Variants in NLRX1 observed in about 807,000 individuals in gnomAD.
The protein encoded by NLRX1 is NLR family member X1.
NLRX1 carries 67 observed loss-of-function variants against 74.2 expected under a neutral mutation model. That is an observed-to-expected ratio of 0.90 (90% confidence interval 0.74 to 1.11). The LOEUF is 1.11. Among genes scored for constraint, NLRX1 ranks in the 50% least tolerant of loss-of-function variants. The pLI is 0.00. For synonymous variants in NLRX1, 506 were observed against 559.1 expected, an observed-to-expected ratio of 0.91 and a Z score of 1.34; for missense variants, 1,191 against 1,305.4, an observed-to-expected ratio of 0.91 and a Z score of 1.35.
In NLRX1 at chr11:119,173,810, G is replaced by A; in HGVS notation, c.561G>A (p.Arg187=). The change falls in exon 5 of 10, where the codon CGG becomes CGA. Residue 187 remains arginine (R), a synonymous_variant. Coordinates refer to ENST00000409109, the MANE Select transcript of NLRX1 (RefSeq NM_001282144.2). This position sits in a 1 kb window ranked among gnomAD's most constrained non-coding sequence, Gnocchi z 4.0. ...RKMVLDWCYG[R]LPAFELLIPF... is the part of the protein sequence containing the mutation. ...TGGTTCTGGACTGGTGTTATGGGCG[G>A]CTGCCGGCCTTCGAGCTGCTCATCC... 1 of 1,613,462 alleles carries A rather than the reference G, an allele frequency of 6.2e-7. No individual in the cohort carries two copies.
chr11:119,175,726 G>A (rs1396948901), intron 6 of NLRX1, among the ~76,000 whole-genome samples: 1 of 152,160 alleles, frequency 6.6e-6, no homozygotes, highest in Admixed American at 6.5e-5. Flanking sequence ...TAAAGCAGAT[G>A]CCATTTTATT....
intron 8 of NLRX1, 76 bp from the exon 9 acceptor site, chr11:119,182,018 T>C (rs991706384): frequency 1.9e-5 from 30 of 1,554,956 alleles, no homozygotes; most frequent in Non-Finnish European, 5.3e-6. Flanking sequence ...CCATTAAGGC[T>C]GCCAGTACCA....
At chr11:119,172,599 T>C (rs1948578566) in intron 3 of NLRX1, among the ~76,000 whole-genome samples, 174 bp downstream of exon 3, 1 of 152,114 alleles carries the variant, frequency 6.6e-6, no homozygotes, top group South Asian at 2.1e-4. Context: ...GCTTAGATCA[T>C]CTGTGGTAGA....
In NLRX1 at chr11:119,174,785, T is replaced by C. The variant is rs1231458317; in HGVS notation, c.1182T>C (p.Leu394=). 1 of 1,613,726 alleles carries C rather than the reference T, an allele frequency of 6.2e-7. No homozygotes were observed. The highest frequency in any genetic ancestry group is 8.5e-7 in the Non-Finnish European group (1 of 1,180,046). ...LHAPTPAGQT[L]TSIYTSFLRL... Reference sequence around the variant, plus strand: ...CCCCCACGCCTGCTGGGCAGACCCTTACAAGCATCTATACCAGCTTCCTGC... The same window carrying C: ...CCCCCACGCCTGCTGGGCAGACCCTCACAAGCATCTATACCAGCTTCCTGC... Residue 394 remains leucine, a synonymous_variant, in exon 6 of 10, where the codon CTT becomes CTC. Coordinates refer to ENST00000409109, the MANE Select transcript of NLRX1 (RefSeq NM_001282144.2).
chr11:119,180,701 CAAAAAA>C (rs1302396352), intron 7 of NLRX1, among the ~76,000 whole-genome samples: 1 of 84,470 alleles, frequency 1.2e-5, no homozygotes, highest in Non-Finnish European at 2.5e-5. Flanking sequence ...AACTCCGTCT[CAAAAAA>C]AAAAAAAAAA....
Position 119,183,086 on chromosome 11 carries a change from C to T in NLRX1, c.2607-32C>T, listed in dbSNP as rs1479433569. On this transcript the variant is annotated intron_variant, in intron 9 of 9. Transcript: ENST00000409109. The surrounding 1 kb of genome is among the most constrained non-coding windows in gnomAD (Gnocchi z 5.7). Reference sequence around the variant, plus strand: ...TCGGGCCCTCCTTCTCAGAGCTCTACTGAATGGCATCGACTTTCTCTCTCC... The same window carrying T: ...TCGGGCCCTCCTTCTCAGAGCTCTATTGAATGGCATCGACTTTCTCTCTCC... 4 of 1,600,514 alleles carry T rather than the reference C, an allele frequency of 2.5e-6. No individual in the cohort carries two copies. The highest frequency in any genetic ancestry group is 1.1e-5 in the South Asian group (1 of 89,516).
In NLRX1 at chr11:119,183,211, G is replaced by T. The variant is rs1948889450; in HGVS notation, c.2700G>T (p.Leu900=). ...GTGGTGCCCGGGTGGTGGTGTCACT[G>T]ACAGAGGGGACGGCGGTGTCAGAAT... ...AEGGARVVVS[L]TEGTAVSEYW... The change falls in exon 10 of 10, where the codon CTG becomes CTT. Residue 900 remains leucine, a synonymous_variant. Coordinates refer to ENST00000409109, the MANE Select transcript of NLRX1 (RefSeq NM_001282144.2). The surrounding 1 kb of genome is among the most constrained non-coding windows in gnomAD (Gnocchi z 5.7). 6.2e-7 allele frequency: 1 copy of T among 1,614,236 alleles called. No individual in the cohort carries two copies. Among genetic ancestry groups the T allele is most frequent in the Non-Finnish European group, 8.5e-7 (1 of 1,180,036 alleles).
chr11:119,178,322 C>A (rs539036460), intron 6 of NLRX1, among the ~76,000 whole-genome samples: 56 of 152,306 alleles, frequency 3.7e-4, no homozygotes, highest in African/African-American at 1.3e-3. Context: ...AAACCCCCAA[C>A]ATTTATTTCT....
At chr11:119,181,095 C>A in intron 7 of NLRX1, 76 bp from the exon 8 acceptor site, 2 of 1,002,892 alleles carry the variant, frequency 2.0e-6, no homozygotes, top group Non-Finnish European at 3.2e-6. Context: ...GAAAAAAAGG[C>A]ATGGTAGATG....
In NLRX1 at chr11:119,179,894, A is replaced by T. The variant is rs773475362; in HGVS notation, c.1873A>T (p.Met625Leu). Residue 625 changes from methionine (M) to leucine (L), a missense_variant, in exon 7 of 10, where the codon ATG becomes TTG. Transcript: ENST00000409109. The stretch of plus-strand genomic sequence containing the variant: ...GGATGAAGTCTTCGAGCTCTTCCCC[A>T]TGTTCATGGGGGGGCTTCTCTCTGC... ...PEDEVFELFP[M>L]FMGGLLSAHN... is the part of the protein sequence containing the mutation. The T allele has an allele frequency of 1.9e-6, 3 of 1,612,076 alleles. No homozygotes were observed. The highest frequency in any genetic ancestry group is 2.2e-5 in the South Asian group (2 of 91,010).
intron 8 of NLRX1, among the ~76,000 whole-genome samples, chr11:119,181,802 A>G (rs533324735): frequency 2.6e-5 from 4 of 152,278 alleles, no homozygotes; most frequent in African/African-American, 9.6e-5. Context: ...GGAAACGGAA[A>G]TGGTGAAAAG....
chr11:119,175,591 C>T (rs949231954), intron 6 of NLRX1, among the ~76,000 whole-genome samples: 2 of 152,134 alleles, frequency 1.3e-5, no homozygotes, highest in Non-Finnish European at 2.9e-5. Context: ...TGTGTCTTTC[C>T]TCCTAGGAGG....
rs564317110 is a variant in NLRX1, at chr11:119,171,224, G to T, written c.-48-132G>T. ...GACGAGAGCTGAAAACCAGGCCAGG[G>T]CTTCAGCAGGGCCAACATTTGAGGA... is the stretch of plus-strand genomic sequence containing the variant. On this transcript the variant is annotated intron_variant, in intron 1 of 9. Coordinates refer to ENST00000409109, the MANE Select transcript of NLRX1 (RefSeq NM_001282144.2). 2.4e-5 allele frequency: 13 copies of T among 549,410 alleles called. 1 individual carries two copies. Among genetic ancestry groups the T allele is most frequent in the Non-Finnish European group, 4.0e-5 (13 of 322,218 alleles). 34.0% of individuals were successfully genotyped at this position (549,410 alleles called of 1,614,324 possible). A position where few individuals can be genotyped will look rare whatever the true frequency, so the allele number is the denominator to read the frequency against.
intron 8 of NLRX1, chr11:119,181,459 A>G (rs1948835846): frequency 3.5e-6 from 2 of 564,382 alleles, no homozygotes; most frequent in South Asian, 3.9e-5. Flanking sequence ...AATGGGTGCT[A>G]AGAAACCTCT....
chr11:119,182,291 CGGCCCT>C lies in NLRX1; in HGVS notation c.2563_2568del (p.Leu855_Ala856del). The C allele has an allele frequency of 1.9e-6, 3 of 1,613,412 alleles. No individual in the cohort carries two copies. In the East Asian group the frequency reaches 6.7e-5, roughly 36 times the overall value. ...GCGTACAACGGTGCTGGTGACACAG[CGGCCCT>C]GGCCCTGGCCAGAGCTGCCCGGGAG... On this transcript the variant is annotated inframe_deletion, in exon 9 of 10. Coordinates refer to ENST00000409109, the MANE Select transcript of NLRX1 (RefSeq NM_001282144.2).
chr11:119,177,048 G>T (rs1305381066), intron 6 of NLRX1, among the ~76,000 whole-genome samples: 9 of 152,070 alleles, frequency 5.9e-5, no homozygotes, highest in Non-Finnish European at 1.3e-4. Flanking sequence ...CATCCTCAGG[G>T]TCTAGGACAT....
intron 6 of NLRX1, 41 bp from the exon 7 acceptor site, chr11:119,179,652 A>ACATGGAAGGCCGAACAGGCC: frequency 6.5e-7 from 1 of 1,538,336 alleles, no homozygotes; most frequent in South Asian, 1.2e-5. Flanking sequence ...CTGAACAGGC[A>ACATGGAAGGCCGAACAGGCC]CATGGAAGGC....
In NLRX1 at chr11:119,183,365, C is replaced by T. The variant is rs561581515; in HGVS notation, c.2854C>T (p.Arg952Cys). 5.5e-5 allele frequency: 88 copies of T among 1,614,178 alleles called. 1 individual carries two copies. Among genetic ancestry groups the T allele is most frequent in the South Asian group, 4.4e-4 (40 of 91,086 alleles). Residue 952 changes from arginine to cysteine, a missense_variant, in exon 10 of 10, where the codon CGC becomes TGC. Transcript: ENST00000409109. The surrounding 1 kb of genome is among the most constrained non-coding windows in gnomAD (Gnocchi z 5.7). Reference sequence around the variant, plus strand: ...CCGGGGTGCCACCCTTAATCCTTGGCGCAAGGCCCAGCTGCTGCGAGTGGA... The same window carrying T: ...CCGGGGTGCCACCCTTAATCCTTGGTGCAAGGCCCAGCTGCTGCGAGTGGA... ...DSRGATLNPW[R>C]KAQLLRVEGE...
rs767017922 is a variant in NLRX1, at chr11:119,173,882, C to T, written c.633C>T (p.Ser211=). The T allele has an allele frequency of 6.2e-7, 1 of 1,613,564 alleles. No homozygotes were observed. Among genetic ancestry groups the T allele is most frequent in the South Asian group, 1.1e-5 (1 of 91,090 alleles). ...DLSSLGPAPA[S]LCQLVAQRYT... is the part of the protein sequence containing the mutation. ...CATCCCTGGGCCCTGCCCCAGCCTC[C>T]CTGTGCCAACTTGTGGCCCAGCGCT... Residue 211 remains serine (S), a synonymous_variant, in exon 5 of 10, where the codon TCC becomes TCT. Coordinates refer to ENST00000409109, the MANE Select transcript of NLRX1 (RefSeq NM_001282144.2). This position sits in a 1 kb window ranked among gnomAD's most constrained non-coding sequence, Gnocchi z 4.0.
Sources: allele counts gnomAD v4.1 joint callset (sites outside exome capture counted in the v4.1 genomes callset), GRCh38; gene constraint gnomAD v4.1.1; non-coding constraint Gnocchi (gnomAD v3.1); transcripts MANE v1.5; gene names NCBI Gene and HGNC (gene_info 2026-07-23, HGNC 2026-07-21).